The following OLFML2A variants were observed in gnomAD, a reference collection of about 807,000 sequenced individuals.
The protein encoded by OLFML2A is olfactomedin like 2A.
In OLFML2A, 47 loss-of-function variants were observed where a neutral mutation model predicts 60.9. The ratio of observed to expected loss-of-function variants is 0.77; its 90% CI spans 0.61 to 0.98. The LOEUF (loss-of-function observed/expected upper bound fraction) is 0.98. OLFML2A is among the 50% of genes least tolerant of loss of function. OLFML2A has a pLI of 0.00. For missense variants in OLFML2A, 922 were observed against 879.8 expected (o/e 1.05, Z -0.61); for synonymous variants, 372 against 375.0 (o/e 0.99, Z 0.09).
In OLFML2A at chr9:124,777,488, C is replaced by T. The variant is rs1263112222; in HGVS notation, c.90+128C>T. 1.0e-6 allele frequency: 1 copy of T among 997,656 alleles called. No homozygotes were observed. The allele number at this position is 997,656 out of a possible 1,614,324, so 61.8% of individuals were successfully genotyped here. A position where few individuals can be genotyped will look rare whatever the true frequency, so the allele number is the denominator to read the frequency against. On this transcript the variant is annotated intron_variant, in intron 1 of 7. Transcript: ENST00000373580. This position sits in a 1 kb window ranked among gnomAD's most constrained non-coding sequence, Gnocchi z 6.2. ...GGAGCCGGGAGCTGAGAGACCGAAC[C>T]TGGGACTTCTCAGCACTGAAGCCGC...
chr9:124,780,784 C>T (rs1478753741), intron 1 of OLFML2A, among the ~76,000 whole-genome samples: 1 of 152,240 alleles, frequency 6.6e-6, no homozygotes, highest in Non-Finnish European at 1.5e-5. Flanking sequence ...GAATCTTACA[C>T]ATCCCTTGTG....
chr9:124,781,854 A>G (rs955784688), intron 1 of OLFML2A, among the ~76,000 whole-genome samples: 2 of 152,104 alleles, frequency 1.3e-5, no homozygotes, highest in African/African-American at 4.8e-5. Context: ...CACAGCTTGA[A>G]TGCCCTCTCC....
chr9:124,810,750 C>A lies in OLFML2A; in HGVS notation c.*338C>A. ...AACACCTCAGTTGTGATCAGGCAGG[C>A]TGTGCTCTCAGGACAGCCCCATTTT... On this transcript the variant is annotated 3_prime_UTR_variant, in exon 8 of 8. Coordinates refer to ENST00000373580, the MANE Select transcript of OLFML2A (RefSeq NM_182487.4). 1 of 308,970 alleles carries A rather than the reference C, an allele frequency of 3.2e-6. No individual in the cohort carries two copies. The highest frequency in any genetic ancestry group is 2.1e-5 in the African/African-American group (1 of 47,258). 19.1% of individuals were successfully genotyped at this position (308,970 alleles called of 1,614,324 possible). A position where few individuals can be genotyped will look rare whatever the true frequency, so the allele number is the denominator to read the frequency against.
rs761841964 is a variant in OLFML2A at position 124,801,591 on chromosome 9, C to T, written c.847C>T (p.Gln283Ter). The change falls in exon 5 of 8, where the codon CAG becomes TAG. Residue 283 changes from glutamine to a stop codon, truncating the protein, a stop_gained. Transcript: ENST00000373580. LOFTEE classifies it high-confidence loss of function. The part of the protein sequence containing the change: ...QPTAKPRALA[Q>*]QQAVIRGFTY... ...CACAGCCAAGCCCCGCGCCCTGGCC[C>T]AGCAGCAGGCTGTGATCCGGGGCTT... The T allele has an allele frequency of 6.2e-7, 1 of 1,613,990 alleles. No individual in the cohort carries two copies.
intron 1 of OLFML2A, among the ~76,000 whole-genome samples, chr9:124,778,768 A>T (rs1414777946): frequency 6.6e-6 from 1 of 151,942 alleles, no homozygotes; most frequent in Non-Finnish European, 1.5e-5. Context: ...GTGCACTCCA[A>T]CCTGGGGAAC....
At chr9:124,800,026 G>C (rs570255626) in intron 4 of OLFML2A, among the ~76,000 whole-genome samples, 1 of 152,342 alleles carries the variant, frequency 6.6e-6, no homozygotes, top group South Asian at 2.1e-4. Context: ...AGAGGCACTG[G>C]TTCTGTCACT....
Position 124,813,662 on chromosome 9 carries a change from T to C in OLFML2A, c.*3250T>C, listed in dbSNP as rs569136467. 4.6e-5 allele frequency: 7 copies of C among 152,226 alleles called. No homozygotes were observed. The highest frequency in any genetic ancestry group is 7.4e-5 in the Non-Finnish European group (5 of 68,018). 9.4% of individuals were successfully genotyped at this position (152,226 alleles called of 1,614,324 possible). A position where few individuals can be genotyped will look rare whatever the true frequency, so the allele number is the denominator to read the frequency against. ...GGGGCCAGCTCATAAAAAGCCTGAA[T>C]GCCAAGCCAAGGAGTGGATGCCTCC... On this transcript the variant is annotated 3_prime_UTR_variant, in exon 8 of 8. Coordinates refer to ENST00000373580, the MANE Select transcript of OLFML2A (RefSeq NM_182487.4).
At position 124,787,072 on chromosome 9, in the gene OLFML2A, G is replaced by A. The variant is rs761931513; in HGVS notation, c.188G>A (p.Arg63Gln). The A allele has an allele frequency of 2.0e-5, 32 of 1,613,994 alleles. No individual in the cohort carries two copies. The East Asian group carries it at 5.1e-4, about 26-fold the overall frequency. Residue 63 changes from arginine to glutamine, a missense_variant, in exon 2 of 8, where the codon CGA becomes CAA. Physicochemically the swap from Arg to Gln is conservative, Grantham distance 43. Transcript: ENST00000373580. ...MRPLSKDACS[R>Q]VRSGRARVED... is the part of the protein sequence containing the mutation. ...CCCCTGAGCAAGGACGCGTGTAGCC[G>A]AGTGCGCAGTGGGCGGGCACGCGTG...
Position 124,810,440 on chromosome 9 carries a change from G to C in OLFML2A, c.*28G>C, listed in dbSNP as rs1841991015. 1.3e-6 allele frequency: 2 copies of C among 1,567,794 alleles called. No homozygotes were observed. The highest frequency in any genetic ancestry group is 4.5e-5 in the East Asian group (2 of 44,364). ...GGAGACCTGTGCTCCCCGGAGAGGG[G>C]CAGCAGTGCGGGAGGGGCTTTGCAC... On this transcript the variant is annotated 3_prime_UTR_variant, in exon 8 of 8. Coordinates refer to ENST00000373580, the MANE Select transcript of OLFML2A (RefSeq NM_182487.4).
In OLFML2A at chr9:124,801,502, A is replaced by G. The variant is rs1373758886; in HGVS notation, c.758A>G (p.Lys253Arg). The G allele has an allele frequency of 6.2e-7, 1 of 1,614,004 alleles. No individual in the cohort carries two copies. Among genetic ancestry groups the G allele is most frequent in the Non-Finnish European group, 8.5e-7 (1 of 1,180,034 alleles). Residue 253 changes from lysine (K) to arginine (R), a missense_variant, in exon 5 of 8, where the codon AAG becomes AGG. By Grantham distance (26) the Lys-to-Arg change is conservative. Transcript: ENST00000373580. ...FADRGLPKPP[K>R]EKLLQVEKLR... The stretch of plus-strand genomic sequence containing the variant: ...GACAGAGGCCTCCCAAAACCTCCCA[A>G]GGAGAAGCTGCTTCAGGTGGAGAAG...
intron 2 of OLFML2A, among the ~76,000 whole-genome samples, chr9:124,791,895 G>A (rs982803614): frequency 2.6e-5 from 4 of 152,148 alleles, no homozygotes; most frequent in African/African-American, 9.7e-5. Flanking sequence ...TGTAATGACT[G>A]TATCACAGGC....
chr9:124,799,306 C>A lies in OLFML2A; in HGVS notation c.484C>A (p.Arg162=). ...LEESIKANLS[R]ENEVVKDSVR... is the part of the protein sequence containing the mutation. Reference sequence around the variant, plus strand: ...GCAGAGCATCAAGGCCAACCTGAGCCGGGAGAATGAGGTGGTGAAGGACAG... The same window carrying A: ...GCAGAGCATCAAGGCCAACCTGAGCAGGGAGAATGAGGTGGTGAAGGACAG... Residue 162 remains arginine, a synonymous_variant, in exon 4 of 8, where the codon CGG becomes AGG. Coordinates refer to ENST00000373580, the MANE Select transcript of OLFML2A (RefSeq NM_182487.4). 1.2e-6 allele frequency: 2 copies of A among 1,611,560 alleles called. No homozygotes were observed. Among genetic ancestry groups the A allele is most frequent in the Non-Finnish European group, 1.7e-6 (2 of 1,178,132 alleles).
rs528194868 is a variant in OLFML2A at position 124,799,020 on chromosome 9, T to C, written c.463-265T>C. ...GAAATAAAGGTGGGAGGGTGACTTT[T>C]TATAGCCGTTGATATCTTTTACATT... On this transcript the variant is annotated intron_variant, in intron 3 of 7. Transcript: ENST00000373580. Among the ~76,000 whole-genome samples, 114 of 152,210 alleles carry C rather than the reference T, an allele frequency of 7.5e-4. 1 individual carries two copies. The highest frequency in any genetic ancestry group is 1.4e-3 in the Non-Finnish European group (94 of 68,032).
chr9:124,789,661 G>A (rs780917472), intron 2 of OLFML2A, among the ~76,000 whole-genome samples: 3 of 152,222 alleles, frequency 2.0e-5, no homozygotes, highest in Non-Finnish European at 4.4e-5. Flanking sequence ...GCCTCTGCAC[G>A]CAAGTCATGC....
intron 4 of OLFML2A, 88 bp from the exon 5 acceptor site, chr9:124,801,326 C>T (rs1841769994): frequency 1.4e-6 from 2 of 1,402,420 alleles, no homozygotes; most frequent in African/African-American, 2.8e-5. Context: ...AACATGGCCA[C>T]CTCCAGTCCC....
In OLFML2A at chr9:124,787,227, G is replaced by A. The variant is rs769846009; in HGVS notation, c.343G>A (p.Glu115Lys). The A allele has an allele frequency of 1.7e-5, 27 of 1,613,972 alleles. No homozygotes were observed. Among genetic ancestry groups the A allele is most frequent in the Non-Finnish European group, 2.1e-5 (25 of 1,179,888 alleles). ...GGAGAAACTCAAAAAGCAGGCGCCCGAGCTCCTCAAGGTAGACTTGGTGGG... is the reference window on the plus strand; with the variant it reads ...GGAGAAACTCAAAAAGCAGGCGCCCAAGCTCCTCAAGGTAGACTTGGTGGG... Reference protein sequence around the residue: ...KMEKLKKQAPELLKLQSMVDL... With the variant: ...KMEKLKKQAPKLLKLQSMVDL... Residue 115 changes from glutamate to lysine, a missense_variant, in exon 2 of 8, where the codon GAG becomes AAG. By Grantham distance (56) the Glu-to-Lys change is moderately conservative (BLOSUM62 1). Coordinates refer to ENST00000373580, the MANE Select transcript of OLFML2A (RefSeq NM_182487.4).
At chr9:124,789,534 G>T (rs1281050543) in intron 2 of OLFML2A, among the ~76,000 whole-genome samples, 3 of 152,206 alleles carry the variant, frequency 2.0e-5, no homozygotes, top group Non-Finnish European at 4.4e-5. Context: ...TAGAGAATCT[G>T]TATCTTTTAT....
At chr9:124,807,396 G>C (rs146547952) in intron 6 of OLFML2A, among the ~76,000 whole-genome samples, 1,651 of 146,960 alleles carry the variant, frequency 0.011, 28 homozygotes, top group African/African-American at 0.039. Context: ...TGATTCTCCT[G>C]TCTCAGCTTC....
intron 2 of OLFML2A, among the ~76,000 whole-genome samples, chr9:124,789,804 G>A (rs1264168450): frequency 6.6e-6 from 1 of 152,216 alleles, no homozygotes; most frequent in Non-Finnish European, 1.5e-5. Context: ...GGGGAGTCAG[G>A]GGGAATGAAT....
Sources: allele counts gnomAD v4.1 joint callset (sites outside exome capture counted in the v4.1 genomes callset), GRCh38; gene constraint gnomAD v4.1.1; non-coding constraint Gnocchi (gnomAD v3.1); transcripts MANE v1.5; gene names NCBI Gene and HGNC (gene_info 2026-07-23, HGNC 2026-07-21).